CNTNAP2: variants seen among roughly 807,000 people sequenced by gnomAD.
CNTNAP2 encodes the protein contactin associated protein 2.
CNTNAP2 carries 98 observed loss-of-function variants against 155.2 expected under a neutral mutation model. The ratio of observed to expected loss-of-function variants is 0.63; its 90% CI spans 0.54 to 0.75. The LOEUF (loss-of-function observed/expected upper bound fraction) is 0.75, where lower values mean the gene tolerates loss of function less well. Among genes scored for constraint, CNTNAP2 ranks in the 30% least tolerant of loss-of-function variants. The pLI is 0.00. For missense variants in CNTNAP2, 1,727 were observed against 1,688.1 expected (o/e 1.02, Z -0.40); for synonymous variants, 651 against 631.2 (o/e 1.03, Z -0.47).
At chr7:147,091,799 A>C (rs1263693372) in intron 4 of CNTNAP2, among the ~76,000 whole-genome samples, 1 of 151,846 alleles carries the variant, frequency 6.6e-6, no homozygotes, top group Non-Finnish European at 1.5e-5. Context: ...GTAGAGACGG[A>C]ATTTCACCAT....
intron 11 of CNTNAP2, among the ~76,000 whole-genome samples, chr7:147,547,490 C>A (rs893115146): frequency 9.2e-5 from 14 of 152,162 alleles, no homozygotes; most frequent in Non-Finnish European, 1.5e-4. Flanking sequence ...GGGGCAGCAG[C>A]GCTGTCTCCT....
At chr7:147,442,462 G>A (rs1159372094) in intron 10 of CNTNAP2, among the ~76,000 whole-genome samples, 1 of 152,128 alleles carries the variant, frequency 6.6e-6, no homozygotes, top group African/African-American at 2.4e-5. Flanking sequence ...GCCAAGTGCT[G>A]GAATTAGGGA....
intron 15 of CNTNAP2, among the ~76,000 whole-genome samples, chr7:148,051,812 A>C (rs1802893857): frequency 6.6e-6 from 1 of 152,234 alleles, no homozygotes; most frequent in Non-Finnish European, 1.5e-5. Context: ...TGATACTAAA[A>C]GCAATTCAGT....
chr7:146,798,730 T>C (rs959417748), intron 2 of CNTNAP2, among the ~76,000 whole-genome samples: 1 of 152,200 alleles, frequency 6.6e-6, no homozygotes, highest in Non-Finnish European at 1.5e-5. Flanking sequence ...CAATAAGTTT[T>C]ATTTACATTT....
intron 2 of CNTNAP2, among the ~76,000 whole-genome samples, chr7:146,828,716 A>G (rs1562965023): frequency 2.0e-5 from 3 of 152,144 alleles, no homozygotes; most frequent in Non-Finnish European, 4.4e-5. Context: ...TACATCATTT[A>G]TACTGTTTAG....
intron 1 of CNTNAP2, among the ~76,000 whole-genome samples, chr7:146,411,220 G>T (rs370701461): frequency 5.4e-5 from 8 of 147,728 alleles, no homozygotes; most frequent in Non-Finnish European, 1.0e-4. Context: ...GCAGAGGCAC[G>T]ATCTTGGCTC....
At chr7:147,049,127 C>T (rs759982919) in intron 4 of CNTNAP2, among the ~76,000 whole-genome samples, 4 of 152,158 alleles carry the variant, frequency 2.6e-5, no homozygotes, top group East Asian at 1.9e-4. Flanking sequence ...ACAGAGCCCT[C>T]GTGACCTACT....
At chr7:147,436,218 A>T (rs1442934728) in intron 10 of CNTNAP2, among the ~76,000 whole-genome samples, 1 of 152,182 alleles carries the variant, frequency 6.6e-6, no homozygotes, top group African/African-American at 2.4e-5. Context: ...AACATCACAT[A>T]TACCAATTAG....
intron 1 of CNTNAP2, among the ~76,000 whole-genome samples, chr7:146,160,917 C>T (rs1305054144): frequency 2.6e-5 from 4 of 152,056 alleles, no homozygotes; most frequent in African/African-American, 9.7e-5. Flanking sequence ...AATTTTAGAC[C>T]AATATCTCTG....
chr7:147,750,620 C>G (rs181661967), intron 13 of CNTNAP2, among the ~76,000 whole-genome samples: 62 of 152,338 alleles, frequency 4.1e-4, no homozygotes, highest in African/African-American at 1.2e-3. Context: ...AGCATGAGAA[C>G]AAGGTCTACT....
chr7:147,662,039 T>C (rs1345012022), intron 13 of CNTNAP2, among the ~76,000 whole-genome samples: 1 of 151,958 alleles, frequency 6.6e-6, no homozygotes, highest in Non-Finnish European at 1.5e-5. Flanking sequence ...CCTCTGAGTC[T>C]TGGTTTTCTT....
intron 1 of CNTNAP2, among the ~76,000 whole-genome samples, chr7:146,394,153 C>T (rs1795586374): frequency 6.6e-6 from 1 of 152,062 alleles, no homozygotes; most frequent in Non-Finnish European, 1.5e-5. Context: ...TGTGGATTGC[C>T]ATGGGCATTA....
chr7:147,301,491 T>C (rs191825319), intron 9 of CNTNAP2, among the ~76,000 whole-genome samples: 27 of 152,264 alleles, frequency 1.8e-4, no homozygotes, highest in Non-Finnish European at 2.6e-4. Context: ...CTTTAAAATC[T>C]GTATGTTACA....
chr7:147,073,186 A>G (rs570812583), intron 4 of CNTNAP2, among the ~76,000 whole-genome samples: 7 of 147,866 alleles, frequency 4.7e-5, no homozygotes, highest in Non-Finnish European at 8.9e-5. Context: ...TGTTTTATGG[A>G]TAAGAAAATG....
chr7:148,007,482 T>C (rs531868071), intron 15 of CNTNAP2, among the ~76,000 whole-genome samples: 5 of 152,292 alleles, frequency 3.3e-5, no homozygotes, highest in African/African-American at 1.2e-4. Context: ...TACTTCTGGC[T>C]GAAAATAATA....
intron 15 of CNTNAP2, among the ~76,000 whole-genome samples, chr7:148,005,846 C>T (rs774122889): frequency 3.3e-5 from 5 of 152,110 alleles, no homozygotes; most frequent in Non-Finnish European, 7.4e-5. Context: ...ACTGAAGAGA[C>T]CTTTGTTTTG....
intron 13 of CNTNAP2, among the ~76,000 whole-genome samples, chr7:147,873,433 C>T (rs1265887848): frequency 6.6e-6 from 1 of 152,182 alleles, no homozygotes; most frequent in African/African-American, 2.4e-5. Context: ...AAAGGCATGT[C>T]TTACATGGCA....
intron 1 of CNTNAP2, among the ~76,000 whole-genome samples, chr7:146,739,774 A>G (rs1244235179): frequency 6.6e-6 from 1 of 151,952 alleles, no homozygotes; most frequent in Non-Finnish European, 1.5e-5. Context: ...TGCAGTCTAT[A>G]TCTCTTTTTA....
At chr7:148,198,572 G>C (rs1389308813) in intron 18 of CNTNAP2, among the ~76,000 whole-genome samples, 1 of 152,176 alleles carries the variant, frequency 6.6e-6, no homozygotes, top group Admixed American at 6.5e-5. Flanking sequence ...GACCGTATGT[G>C]TCCCAGCAAG....
Sources: gnomAD v4.1 joint callset for allele counts (sites outside exome capture counted in the v4.1 genomes callset) on GRCh38, gnomAD v4.1.1 for gene constraint, MANE v1.5 for transcripts, NCBI Gene and HGNC (gene_info 2026-07-23, HGNC 2026-07-21) for gene names.